Variants in C4orf50 observed in about 807,000 individuals in gnomAD.
The protein encoded by C4orf50 is chromosome 4 open reading frame 50.
A neutral mutation model predicts 77.2 loss-of-function variants in C4orf50; 80 were observed. The ratio of observed to expected loss-of-function variants is 1.04; its 90% confidence interval spans 0.87 to 1.25. The LOEUF is 1.25. Ranked by LOEUF, C4orf50 falls within the 50% of genes most tolerant of loss-of-function variation. The pLI, the probability that C4orf50 is intolerant of heterozygous loss-of-function variation, is 0.00. For synonymous variants in C4orf50, 532 were observed against 465.3 expected, an observed-to-expected ratio of 1.14 and a Z score of -1.84; for missense variants, 1,257 against 1,152.9, an observed-to-expected ratio of 1.09 and a Z score of -1.31.
rs1719824678 is a variant in C4orf50 at position 5,970,150 on chromosome 4, A to C, written c.4105-2688T>G. Among the ~76,000 whole-genome samples the C allele has an allele frequency of 1.6e-5, 1 of 60,914 alleles. No individual in the cohort carries two copies. The highest frequency in any genetic ancestry group is 6.0e-5 in the Non-Finnish European group (1 of 16,538). 40.0% of individuals were successfully genotyped at this position (60,914 alleles called of 152,430 possible). On this transcript the variant is annotated intron_variant, in intron 31 of 33. Coordinates refer to ENST00000531445, the Ensembl canonical transcript of C4orf50. This position sits in a 1 kb window ranked among gnomAD's most constrained non-coding sequence, Gnocchi z 4.3. Reference sequence around the variant, plus strand: ...GCGTAGGTCCAGGCAAAACACAGGAAAAAAAAAAAAAGGCCCACTGGGGCT... The same window carrying C: ...GCGTAGGTCCAGGCAAAACACAGGACAAAAAAAAAAAGGCCCACTGGGGCT...
chr4:6,010,044 C>T (rs1396203049), intron 24 of C4orf50, among the ~76,000 whole-genome samples: 1 of 152,204 alleles, frequency 6.6e-6, no homozygotes. Flanking sequence ...AACAGCATGT[C>T]ACTTGCTGTC....
rs188225637 is a variant in C4orf50 at position 6,009,858 on chromosome 4, G to A, written c.427-1326C>T. 2.2e-4 allele frequency among the ~76,000 whole-genome samples: 34 copies of A among 152,292 alleles called. No individual in the cohort carries two copies. The highest frequency in any genetic ancestry group is 7.2e-4 in the African/African-American group (30 of 41,560). Reference sequence around the variant, plus strand: ...CCAAGGGGCAACTGAGAGACCCTAAGCAATTTCCCTATCACTTTGAACATC... The same window carrying A: ...CCAAGGGGCAACTGAGAGACCCTAAACAATTTCCCTATCACTTTGAACATC... On this transcript the variant is annotated intron_variant, in intron 24 of 33. Transcript: ENST00000531445. The surrounding 1 kb of genome is among the most constrained non-coding windows in gnomAD (Gnocchi z 5.6).
intron 7 of C4orf50, among the ~76,000 whole-genome samples, chr4:5,924,342 C>G (rs1166633543): frequency 1.3e-5 from 2 of 152,178 alleles, no homozygotes; most frequent in African/African-American, 2.4e-5. Context: ...ACTGCAGGAG[C>G]TGATGGCTTA....
chr4:5,975,913 C>G, exon 30 of C4orf50: 1 of 1,613,602 alleles, frequency 6.2e-7, no homozygotes, highest in Non-Finnish European at 8.5e-7. Context: ...AGGGGAGTCA[C>G]TGCCAACTTT....
rs572592708 is a variant in C4orf50 at position 5,919,008 on chromosome 4, C to T, written c.*2475-20820G>A. Among the ~76,000 whole-genome samples the T allele has an allele frequency of 2.0e-5, 3 of 152,182 alleles. No individual in the cohort carries two copies. The highest frequency in any genetic ancestry group is 6.5e-5 in the Admixed American group (1 of 15,286). On this transcript the variant is annotated intron_variant, in intron 7 of 7. Coordinates refer to the C4orf50 transcript ENST00000324058. This position sits in a 1 kb window ranked among gnomAD's most constrained non-coding sequence, Gnocchi z 6.5. The stretch of plus-strand genomic sequence containing the variant: ...CTGCACAGATGGGGAAACTGAGACC[C>T]GGAGGAGTCAAAGGGCTTGCCCAAG...
rs1717178234 is a variant in C4orf50 at position 5,919,593 on chromosome 4, C to G, written c.*2475-21405G>C. Among the ~76,000 whole-genome samples the G allele has an allele frequency of 1.3e-5, 2 of 152,170 alleles. No homozygotes were observed. The highest frequency in any genetic ancestry group is 4.8e-5 in the African/African-American group (2 of 41,448). On this transcript the variant is annotated intron_variant, in intron 7 of 7. Coordinates refer to the C4orf50 transcript ENST00000324058. This position sits in a 1 kb window ranked among gnomAD's most constrained non-coding sequence, Gnocchi z 6.5. ...GGATAGCTGCTGTCTCCAGAATCTC[C>G]CTTCCAATGCAACCACCCTGACCCC... is the stretch of plus-strand genomic sequence containing the variant.
rs1357293203 is a variant in C4orf50 at position 5,901,205 on chromosome 4, T to G, written c.*2475-3017A>C. ...GTGGACTTTCTTCCAAATTGTCATA[T>G]GACAGATCACCTTGTTCATAATGGC... is the stretch of plus-strand genomic sequence containing the variant. On this transcript the variant is annotated intron_variant, in intron 7 of 7. Coordinates refer to the C4orf50 transcript ENST00000324058. This position sits in a 1 kb window ranked among gnomAD's most constrained non-coding sequence, Gnocchi z 4.4. 1 of 152,294 alleles carries G rather than the reference T, an allele frequency of 6.6e-6. No individual in the cohort carries two copies. The highest frequency in any genetic ancestry group is 6.5e-5 in the Admixed American group (1 of 15,292). The allele number at this position is 152,294 out of a possible 1,614,324, so 9.4% of individuals were successfully genotyped here. A position where few individuals can be genotyped will look rare whatever the true frequency, so the allele number is the denominator to read the frequency against.
chr4:5,969,754 C>T (rs1212667108), intron 31 of C4orf50, among the ~76,000 whole-genome samples: 5 of 152,098 alleles, frequency 3.3e-5, no homozygotes, highest in South Asian at 2.1e-4. Context: ...GGCTTAGGTA[C>T]GTGAAGGGCA....
At chr4:5,984,098 C>T (rs1363369370) in intron 28 of C4orf50, among the ~76,000 whole-genome samples, 1 of 152,198 alleles carries the variant, frequency 6.6e-6, no homozygotes, top group Non-Finnish European at 1.5e-5. Context: ...AGAGCAAGGG[C>T]CTCACCTTAG....
chr4:5,912,894 G>A (rs1375930144), intron 7 of C4orf50, among the ~76,000 whole-genome samples: 1 of 152,200 alleles, frequency 6.6e-6, no homozygotes, highest in African/African-American at 2.4e-5. Flanking sequence ...CATGTGGCAG[G>A]GGAAATGTTG....
Position 6,011,489 on chromosome 4 carries a change from G to A in C4orf50, c.426+341C>T, listed in dbSNP as rs959445442. Among the ~76,000 whole-genome samples the A allele has an allele frequency of 3.3e-5, 5 of 152,000 alleles. No individual in the cohort carries two copies. Among genetic ancestry groups the A allele is most frequent in the Non-Finnish European group, 7.4e-5 (5 of 67,980 alleles). ...CTCCCCCATGGCACCCCACATCCGG[G>A]TTTAGAGTTATTTGTTTCTTATCAG... On this transcript the variant is annotated intron_variant, in intron 24 of 33. Coordinates refer to ENST00000531445, the Ensembl canonical transcript of C4orf50. The surrounding 1 kb of genome is among the most constrained non-coding windows in gnomAD (Gnocchi z 4.2).
chr4:5,907,592 A>C (rs904453702), intron 7 of C4orf50, among the ~76,000 whole-genome samples: 1 of 152,220 alleles, frequency 6.6e-6, no homozygotes. Context: ...ATGAAGGCAG[A>C]TTTAGTAAAT....
At chr4:5,959,658 G>A (rs750373772) in intron 33 of C4orf50, 32 bp from the exon 12 acceptor site, 15 of 1,583,182 alleles carry the variant, frequency 9.5e-6, no homozygotes, top group Admixed American at 1.8e-5. Flanking sequence ...AATGGTCTCT[G>A]CGTCCACATG....
intron 28 of C4orf50, among the ~76,000 whole-genome samples, chr4:5,987,412 CA>C (rs58512584): frequency 1.3e-3 from 45 of 33,634 alleles, no homozygotes; most frequent in Non-Finnish European, 1.6e-3. Flanking sequence ...CTCTGTCTCA[CA>C]AAAAAAAAAA....
intron 7 of C4orf50, among the ~76,000 whole-genome samples, chr4:5,949,171 G>A (rs946704324): frequency 6.6e-6 from 1 of 152,096 alleles, no homozygotes. Flanking sequence ...CAAGACCCCC[G>A]CCCTGCGCCC....
chr4:5,953,694 C>A (rs1188696160), downstream of C4orf50, among the ~76,000 whole-genome samples: 1 of 152,184 alleles, frequency 6.6e-6, no homozygotes, highest in African/African-American at 2.4e-5. Flanking sequence ...TGGCATTGTA[C>A]AAGCTGGAGA....
In C4orf50 at chr4:5,919,569, G is replaced by A. The variant is rs1717177473; in HGVS notation, c.*2475-21381C>T. Among the ~76,000 whole-genome samples the A allele has an allele frequency of 6.6e-6, 1 of 152,186 alleles. No individual in the cohort carries two copies. The highest frequency in any genetic ancestry group is 1.5e-5 in the Non-Finnish European group (1 of 68,036). ...TATCAGCTGAAGCATGGGTGGAGAG[G>A]ATAGCTGCTGTCTCCAGAATCTCCC... On this transcript the variant is annotated intron_variant, in intron 7 of 7. Transcript: ENST00000324058. The surrounding 1 kb of genome is among the most constrained non-coding windows in gnomAD (Gnocchi z 6.5).
At chr4:5,940,799 G>C (rs527284084) in intron 7 of C4orf50, among the ~76,000 whole-genome samples, 1 of 152,318 alleles carries the variant, frequency 6.6e-6, no homozygotes, top group African/African-American at 2.4e-5. Flanking sequence ...TGAAGCTCCT[G>C]CTCTCTCTTT....
rs1036298229 is a variant in C4orf50 at position 6,009,348 on chromosome 4, T to C, written c.427-816A>G. Among the ~76,000 whole-genome samples, 5 of 152,242 alleles carry C rather than the reference T, an allele frequency of 3.3e-5. No individual in the cohort carries two copies. Among genetic ancestry groups the C allele is most frequent in the Admixed American group, 3.3e-4 (5 of 15,286 alleles). On this transcript the variant is annotated intron_variant, in intron 24 of 33. Transcript: ENST00000531445. The surrounding 1 kb of genome is among the most constrained non-coding windows in gnomAD (Gnocchi z 5.6). ...ACGTCTACGTTAATCTTTCAACTAC[T>C]GTCACCTGCCGCTGCTCTTCTGCCG... is the stretch of plus-strand genomic sequence containing the variant.
Sources: gnomAD v4.1 joint callset for allele counts (sites outside exome capture counted in the v4.1 genomes callset) on GRCh38, gnomAD v4.1.1 for gene constraint, Gnocchi (gnomAD v3.1) non-coding constraint, MANE v1.5 for transcripts, NCBI Gene and HGNC (gene_info 2026-07-23, HGNC 2026-07-21) for gene names.